Variants in SPECC1L observed in about 807,000 individuals in gnomAD.
SPECC1L encodes sperm antigen with calponin homology and coiled-coil domains 1 like.
A neutral mutation model predicts 116.8 loss-of-function variants in SPECC1L; 40 were observed. That is an observed-to-expected ratio of 0.34 (90% CI 0.27 to 0.45). The LOEUF (loss-of-function observed/expected upper bound fraction) is 0.45, where lower values mean the gene tolerates loss of function less well. Ranked by LOEUF, SPECC1L falls within the 20% of genes least tolerant of loss-of-function variation. The probability of loss-of-function intolerance (pLI) is 1.00; values close to 1 mark genes in which losing one functional copy is unlikely to be tolerated. For synonymous variants in SPECC1L, 504 were observed against 500.6 expected (o/e 1.01, Z -0.09); for missense variants, 1,110 against 1,373.6 (o/e 0.81, Z 3.03).
intron 9 of SPECC1L, among the ~76,000 whole-genome samples, chr22:24,337,169 G>C (rs1330873650): frequency 6.6e-6 from 1 of 152,188 alleles, no homozygotes; most frequent in Non-Finnish European, 1.5e-5. Flanking sequence ...ATAGCTAATA[G>C]ATGGAAGTAA....
chr22:24,319,252 T>C (rs2040669002), intron 4 of SPECC1L, among the ~76,000 whole-genome samples: 1 of 152,192 alleles, frequency 6.6e-6, no homozygotes, highest in African/African-American at 2.4e-5. Flanking sequence ...GGGAGGCCTC[T>C]GGAAACTTAG....
intron 6 of SPECC1L, among the ~76,000 whole-genome samples, chr22:24,326,273 C>G (rs1462501354): frequency 6.6e-6 from 1 of 152,210 alleles, no homozygotes; most frequent in Admixed American, 6.5e-5. Context: ...TAAATTGATA[C>G]AATGTAAATG....
At position 24,417,577 on chromosome 22, in the gene SPECC1L, C is replaced by T. The variant is rs1468799448; in HGVS notation, c.*2954C>T. 6.6e-6 allele frequency: 1 copy of T among 152,224 alleles called. No homozygotes were observed. The highest frequency in any genetic ancestry group is 1.9e-4 in the East Asian group (1 of 5,198). The allele number at this position is 152,224 out of a possible 1,614,324, so 9.4% of individuals were successfully genotyped here. A position where few individuals can be genotyped will look rare whatever the true frequency, so the allele number is the denominator to read the frequency against. ...AGGAGAGCGGAAGCCCCTACACAGC[C>T]CAGACACATGCCTTCCCTGGGGGCT... is the stretch of plus-strand genomic sequence containing the variant. On this transcript the variant is annotated 3_prime_UTR_variant, in exon 17 of 17. Coordinates refer to ENST00000314328, the MANE Select transcript of SPECC1L (RefSeq NM_015330.6).
At chr22:24,381,804 A>C (rs2042067395) in intron 14 of SPECC1L, among the ~76,000 whole-genome samples, 1 of 152,202 alleles carries the variant, frequency 6.6e-6, no homozygotes, top group African/African-American at 2.4e-5. Context: ...GAATGGCGTG[A>C]AACCGGGAGG....
intron 14 of SPECC1L, among the ~76,000 whole-genome samples, chr22:24,371,753 A>G (rs2041874859): frequency 6.6e-6 from 1 of 152,220 alleles, no homozygotes; most frequent in South Asian, 2.1e-4. Context: ...ACAGAGTCTC[A>G]TTCTGTCACC....
At chr22:24,289,832 C>T (rs904823112) in intron 2 of SPECC1L, among the ~76,000 whole-genome samples, 1 of 151,954 alleles carries the variant, frequency 6.6e-6, no homozygotes, top group African/African-American at 2.4e-5. Flanking sequence ...AGAATCAGTG[C>T]CCTAGTATTT....
intron 14 of SPECC1L, among the ~76,000 whole-genome samples, chr22:24,408,062 G>A (rs766231437): frequency 6.6e-6 from 1 of 152,140 alleles, no homozygotes; most frequent in Non-Finnish European, 1.5e-5. Flanking sequence ...ACTGCTGCGG[G>A]TGGCTGTGAG....
At chr22:24,335,201 G>A (rs976068698) in intron 9 of SPECC1L, among the ~76,000 whole-genome samples, 2 of 152,200 alleles carry the variant, frequency 1.3e-5, no homozygotes, top group African/African-American at 4.8e-5. Flanking sequence ...ACAAGCTTTA[G>A]TTCAAGCCAC....
intron 2 of SPECC1L, among the ~76,000 whole-genome samples, chr22:24,287,770 A>G (rs1485561568): frequency 6.6e-6 from 1 of 152,138 alleles, no homozygotes; most frequent in African/African-American, 2.4e-5. Context: ...ATGTAAAGGA[A>G]CTGAATGAGT....
At chr22:24,381,570 A>C (rs2042062253) in intron 14 of SPECC1L, among the ~76,000 whole-genome samples, 1 of 152,112 alleles carries the variant, frequency 6.6e-6, no homozygotes, top group Admixed American at 6.6e-5. Flanking sequence ...CTTGAATTCT[A>C]AGGTTTTTTT....
At position 24,417,735 on chromosome 22, in the gene SPECC1L, TG is replaced by T. The variant is rs2042829077; in HGVS notation, c.*3113del. ...AGGCAACCAGATAAACTTTTTTGCC[TG>T]TGCATTGTTTTTTGTTGGTTTTTTC... On this transcript the variant is annotated 3_prime_UTR_variant, in exon 17 of 17. Coordinates refer to ENST00000314328, the MANE Select transcript of SPECC1L (RefSeq NM_015330.6). The T allele has an allele frequency of 6.6e-6, 1 of 152,234 alleles. No homozygotes were observed. Among genetic ancestry groups the T allele is most frequent in the Non-Finnish European group, 1.5e-5 (1 of 68,054 alleles). The allele number at this position is 152,234 out of a possible 1,614,324, so 9.4% of individuals were successfully genotyped here. A position where few individuals can be genotyped will look rare whatever the true frequency, so the allele number is the denominator to read the frequency against.
chr22:24,365,081 T>A (rs2041728108), intron 12 of SPECC1L, among the ~76,000 whole-genome samples: 1 of 152,084 alleles, frequency 6.6e-6, no homozygotes, highest in Non-Finnish European at 1.5e-5. Flanking sequence ...AGTCTTGGCT[T>A]ACTGCAACCT....
chr22:24,354,543 T>A (rs1440530822), intron 11 of SPECC1L, among the ~76,000 whole-genome samples: 1 of 152,158 alleles, frequency 6.6e-6, no homozygotes, highest in Non-Finnish European at 1.5e-5. Context: ...GACTCCTTGC[T>A]TTCTCAATGC....
At position 24,278,876 on chromosome 22, in the gene SPECC1L, G is replaced by C. The variant is rs147904774; in HGVS notation, c.-38+2073G>C. Reference sequence around the variant, plus strand: ...GAAACAGCTGGTTAATGTGGATCTGGAGTTTTTCTAGGACATAAACTGATG... The same window carrying C: ...GAAACAGCTGGTTAATGTGGATCTGCAGTTTTTCTAGGACATAAACTGATG... On this transcript the variant is annotated intron_variant, in intron 2 of 16. Coordinates refer to ENST00000314328, the MANE Select transcript of SPECC1L (RefSeq NM_015330.6). 4.6e-5 allele frequency among the ~76,000 whole-genome samples: 7 copies of C among 152,292 alleles called. 1 individual carries two copies. The East Asian group carries it at 1.3e-3, about 29-fold the overall frequency.
Position 24,322,353 on chromosome 22 carries a change from A to G in SPECC1L, c.1373A>G (p.His458Arg), listed in dbSNP as rs573041479. Reference protein sequence around the residue: ...SLCQQSDKLEHFSRQIEYFRS... With the variant: ...SLCQQSDKLERFSRQIEYFRS... ...TGTCAGCAGAGCGATAAGTTGGAAC[A>G]CTTTAGTCGACAGATTGAATACTTC... is the stretch of plus-strand genomic sequence containing the variant. Residue 458 changes from histidine (H) to arginine (R), a missense_variant, in exon 5 of 17, where the codon CAC becomes CGC. His to Arg is a conservative substitution (Grantham distance 29). Coordinates refer to ENST00000314328, the MANE Select transcript of SPECC1L (RefSeq NM_015330.6). The G allele has an allele frequency of 1.9e-6, 3 of 1,614,198 alleles. No individual in the cohort carries two copies. In the Admixed American group the frequency reaches 5.0e-5, roughly 27 times the overall value.
At chr22:24,393,500 C>G (rs1247921827) in intron 14 of SPECC1L, among the ~76,000 whole-genome samples, 1 of 152,186 alleles carries the variant, frequency 6.6e-6, no homozygotes, top group African/African-American at 2.4e-5. Context: ...TATCTTCCAT[C>G]AGACATCAGC....
chr22:24,348,705 A>T (rs925362244), intron 11 of SPECC1L, among the ~76,000 whole-genome samples: 1 of 152,230 alleles, frequency 6.6e-6, no homozygotes, highest in Admixed American at 6.5e-5. Context: ...AAGGATTTAC[A>T]TAGGTGTGCA....
chr22:24,315,503 A>G (rs1001025290), intron 4 of SPECC1L, among the ~76,000 whole-genome samples: 1 of 152,292 alleles, frequency 6.6e-6, no homozygotes, highest in African/African-American at 2.4e-5. Context: ...GCCTGGGGTC[A>G]TCACCACATT....
intron 14 of SPECC1L, among the ~76,000 whole-genome samples, chr22:24,377,466 C>T (rs1009151866): frequency 2.6e-5 from 4 of 152,074 alleles, no homozygotes; most frequent in Non-Finnish European, 2.9e-5. Flanking sequence ...TTTACATGGA[C>T]GTATGTAGTT....
Sources: allele counts gnomAD v4.1 joint callset (sites outside exome capture counted in the v4.1 genomes callset), GRCh38; gene constraint gnomAD v4.1.1; transcripts MANE v1.5; gene names NCBI Gene and HGNC (gene_info 2026-07-23, HGNC 2026-07-21).